Variants in CAB39 observed in about 807,000 individuals in gnomAD.
The protein encoded by CAB39 is calcium binding protein 39.
Under a neutral mutation model 40.0 loss-of-function variants are expected in CAB39, and 8 were observed. That is an observed-to-expected ratio of 0.20 (90% CI 0.12 to 0.36). CAB39 has a LOEUF of 0.36. CAB39 is among the 10% of genes least tolerant of loss of function. The pLI, the probability that CAB39 is intolerant of heterozygous loss-of-function variation, is 1.00. For synonymous variants in CAB39, 156 were observed against 141.6 expected (o/e 1.10, Z -0.72); for missense variants, 270 against 401.1 (o/e 0.67, Z 2.79).
intron 1 of CAB39, among the ~76,000 whole-genome samples, chr2:230,747,082 G>A (rs909685130): frequency 5.9e-5 from 9 of 152,168 alleles, no homozygotes; most frequent in Non-Finnish European, 1.2e-4. Context: ...GCCTGGAGTG[G>A]TAGCTCATGC....
chr2:230,768,676 G>A (rs575605792), intron 2 of CAB39, among the ~76,000 whole-genome samples: 94 of 152,310 alleles, frequency 6.2e-4, no homozygotes, highest in African/African-American at 2.2e-3. Flanking sequence ...GGTCAATTAG[G>A]TGGAGGTGGT....
intron 4 of CAB39, among the ~76,000 whole-genome samples, chr2:230,797,700 C>A (rs1331820620): frequency 6.6e-6 from 1 of 152,000 alleles, no homozygotes; most frequent in Non-Finnish European, 1.5e-5. Context: ...TATGGGCTTT[C>A]ATTAGCAGGC....
chr2:230,776,358 C>T lies in CAB39; in HGVS notation c.115-14514C>T, dbSNP rs562421307. Among the ~76,000 whole-genome samples, 9 of 152,310 alleles carry T rather than the reference C, an allele frequency of 5.9e-5. No homozygotes were observed. In the South Asian group the frequency reaches 1.9e-3, roughly 32 times the overall value. On this transcript the variant is annotated intron_variant, in intron 2 of 8. Coordinates refer to ENST00000258418, the MANE Select transcript of CAB39 (RefSeq NM_016289.4). ...ACCCATATCCCCAGTGGTAACCTCT[C>T]ACATAACTATATACAATATCAAAAC...
chr2:230,804,793 TTGG>T lies in CAB39; in HGVS notation c.568-5466_568-5464del, dbSNP rs562074426. Among the ~76,000 whole-genome samples, 26 of 152,264 alleles carry T rather than the reference TTGG, an allele frequency of 1.7e-4. No individual in the cohort carries two copies. The South Asian group carries it at 2.7e-3, about 16-fold the overall frequency. ...GAGAAATAGGGACACTTTTACACTG[TTGG>T]TGGGCGTGTAAACTAGTTCAACCAT... On this transcript the variant is annotated intron_variant, in intron 5 of 8. Coordinates refer to ENST00000258418, the MANE Select transcript of CAB39 (RefSeq NM_016289.4).
At position 230,748,828 on chromosome 2, in the gene CAB39, AAAAATATATAT is replaced by A. The variant is rs1173694220; in HGVS notation, c.-43-11129_-43-11119del. Among the ~76,000 whole-genome samples, 495 of 62,730 alleles carry A rather than the reference AAAAATATATAT, an allele frequency of 7.9e-3. 9 individuals carry two copies. The highest frequency in any genetic ancestry group is 8.9e-3 in the Non-Finnish European group (321 of 35,988). 41.2% of individuals were successfully genotyped at this position (62,730 alleles called of 152,430 possible). A position where few individuals can be genotyped will look rare whatever the true frequency, so the allele number is the denominator to read the frequency against. On this transcript the variant is annotated intron_variant, in intron 1 of 8. Transcript: ENST00000258418. The stretch of plus-strand genomic sequence containing the variant: ...TTTCCAAAAAGAAAAAAAAAAAAAA[AAAAATATATAT>A]ATATATATATATATATATATATATA...
At chr2:230,786,813 A>G (rs1227239308) in intron 2 of CAB39, among the ~76,000 whole-genome samples, 1 of 152,248 alleles carries the variant, frequency 6.6e-6, no homozygotes, top group Non-Finnish European at 1.5e-5. Context: ...AAAATGGAGT[A>G]GAAAACCCAA....
At chr2:230,729,656 G>A (rs1694651859) in intron 1 of CAB39, among the ~76,000 whole-genome samples, 1 of 151,924 alleles carries the variant, frequency 6.6e-6, no homozygotes, top group Non-Finnish European at 1.5e-5. Flanking sequence ...AGGAGGCTGA[G>A]GCAGGAGAAC....
intron 1 of CAB39, among the ~76,000 whole-genome samples, chr2:230,732,613 TA>T (rs1036803072): frequency 1.3e-5 from 2 of 152,174 alleles, no homozygotes; most frequent in African/African-American, 4.8e-5. Flanking sequence ...TTTTCAAATA[TA>T]GGGGTGCATG....
In CAB39 at chr2:230,817,818, C is replaced by T; in HGVS notation, c.758C>T (p.Pro253Leu). 6.2e-7 allele frequency: 1 copy of T among 1,612,196 alleles called. No homozygotes were observed. The highest frequency in any genetic ancestry group is 8.5e-7 in the Non-Finnish European group (1 of 1,178,922). ...ATTATGACAAAATACATCAGTAAAC[C>T]TGAGAACCTCAAATTAATGATGAAC... ...FTIMTKYISK[P>L]ENLKLMMNLL... Residue 253 changes from proline to leucine, a missense_variant, in exon 8 of 9, where the codon CCT becomes CTT. By Grantham distance (98) the Pro-to-Leu change is moderately conservative. Transcript: ENST00000258418.
chr2:230,737,349 T>G (rs1694803973), intron 1 of CAB39, among the ~76,000 whole-genome samples: 1 of 152,170 alleles, frequency 6.6e-6, no homozygotes, highest in African/African-American at 2.4e-5. Context: ...GTTCTCCCAC[T>G]GTTATGGAAC....
In CAB39 at chr2:230,817,913, C is replaced by T. The variant is rs768309213; in HGVS notation, c.837+16C>T. On this transcript the variant is annotated intron_variant, in intron 8 of 8. Coordinates refer to ENST00000258418, the MANE Select transcript of CAB39 (RefSeq NM_016289.4). ...CGTTTTTAAGGTAGAGTACTAGAAG[C>T]ATCAGTGATACTGTCCACTGGAATT... 1 of 1,602,276 alleles carries T rather than the reference C, an allele frequency of 6.2e-7. No homozygotes were observed. The highest frequency in any genetic ancestry group is 2.2e-5 in the East Asian group (1 of 44,686).
intron 2 of CAB39, among the ~76,000 whole-genome samples, chr2:230,773,006 A>G (rs970168626): frequency 4.9e-5 from 7 of 143,480 alleles, no homozygotes; most frequent in Non-Finnish European, 7.6e-5. Context: ...AAAAAAAACT[A>G]TTGCTGTATA....
intron 2 of CAB39, among the ~76,000 whole-genome samples, chr2:230,780,524 A>T (rs1053529604): frequency 9.2e-5 from 14 of 152,158 alleles, no homozygotes; most frequent in African/African-American, 1.7e-4. Flanking sequence ...AGTCTTTCTT[A>T]TGACTTTTAT....
intron 1 of CAB39, among the ~76,000 whole-genome samples, chr2:230,749,902 AT>A (rs1220758886): frequency 2.6e-5 from 4 of 152,312 alleles, no homozygotes; most frequent in African/African-American, 9.6e-5. Context: ...GGACAACCTA[AT>A]AGACACTGCA....
chr2:230,724,063 A>T (rs1283513678), intron 1 of CAB39, among the ~76,000 whole-genome samples: 2 of 151,982 alleles, frequency 1.3e-5, no homozygotes, highest in Admixed American at 1.3e-4. Context: ...CCTGGGCAAC[A>T]TGGTGAAACC....
intron 1 of CAB39, among the ~76,000 whole-genome samples, chr2:230,726,349 T>C (rs1694571796): frequency 6.6e-6 from 1 of 151,546 alleles, no homozygotes; most frequent in South Asian, 2.1e-4. Flanking sequence ...TTTTTTTTTT[T>C]CCAGTAGAGA....
chr2:230,806,343 A>G (rs1169537241), intron 5 of CAB39, among the ~76,000 whole-genome samples: 1 of 152,186 alleles, frequency 6.6e-6, no homozygotes, highest in African/African-American at 2.4e-5. Context: ...AATACAATTA[A>G]GCAGTATGAT....
At chr2:230,767,918 C>A (rs1310001938) in intron 2 of CAB39, among the ~76,000 whole-genome samples, 1 of 152,146 alleles carries the variant, frequency 6.6e-6, no homozygotes, top group Non-Finnish European at 1.5e-5. Context: ...TGCTCAAGTG[C>A]CATTTTTCAC....
chr2:230,797,037 T>C (rs2124964251), intron 4 of CAB39, among the ~76,000 whole-genome samples: 1 of 152,354 alleles, frequency 6.6e-6, no homozygotes, highest in South Asian at 2.1e-4. Context: ...GAAATCATTT[T>C]AAGCTCCCAA....
Sources: allele counts gnomAD v4.1 joint callset (sites outside exome capture counted in the v4.1 genomes callset), GRCh38; gene constraint gnomAD v4.1.1; transcripts MANE v1.5; gene names NCBI Gene and HGNC (gene_info 2026-07-23, HGNC 2026-07-21).